Variants in TRPM8 observed in about 807,000 individuals in gnomAD.
The protein encoded by TRPM8 is transient receptor potential cation channel subfamily M member 8, also known as TRPM8 cationic channel.
In TRPM8, 110 loss-of-function variants were observed where a neutral mutation model predicts 133.7. The ratio of observed to expected loss-of-function variants is 0.82; its 90% CI spans 0.70 to 0.96. The LOEUF (loss-of-function observed/expected upper bound fraction) is 0.96. TRPM8 is among the 40% of genes least tolerant of loss of function. The probability of loss-of-function intolerance (pLI) is 0.00; values close to 1 mark genes in which losing one functional copy is unlikely to be tolerated. For missense variants in TRPM8, 1,291 were observed against 1,379.5 expected (o/e 0.94, Z 1.02); for synonymous variants, 535 against 532.3 (o/e 1.01, Z -0.07).
chr2:233,960,071 T>C (rs1180041789), intron 11 of TRPM8, among the ~76,000 whole-genome samples: 2 of 152,068 alleles, frequency 1.3e-5, no homozygotes, highest in Admixed American at 6.5e-5. Context: ...CTTAAGATTA[T>C]CCGTAAGTTC....
intron 5 of TRPM8, among the ~76,000 whole-genome samples, chr2:233,942,031 A>T (rs939230933): frequency 1.3e-5 from 2 of 150,208 alleles, no homozygotes; most frequent in African/African-American, 4.9e-5. Flanking sequence ...CCCACCTCCC[A>T]GAGAGCCTGA....
chr2:233,969,898 A>C, intron 16 of TRPM8, 91 bp downstream of exon 16: 1 of 893,496 alleles, frequency 1.1e-6, no homozygotes, highest in Non-Finnish European at 1.8e-6. Flanking sequence ...AAATGATTAA[A>C]AAGCCTGGAA....
At chr2:233,927,934 C>CTCTCTCTT (rs1691595975) in intron 2 of TRPM8, among the ~76,000 whole-genome samples, 1 of 55,404 alleles carries the variant, frequency 1.8e-5, no homozygotes, top group African/African-American at 1.9e-4. Flanking sequence ...TTCTCTCTCT[C>CTCTCTCTT]TCTCTCTCTC....
chr2:233,957,530 A>T (rs1328082067), intron 11 of TRPM8, among the ~76,000 whole-genome samples: 1 of 152,184 alleles, frequency 6.6e-6, no homozygotes, highest in Non-Finnish European at 1.5e-5. Context: ...AAAAACAAAA[A>T]AACAAAAAAA....
intron 17 of TRPM8, among the ~76,000 whole-genome samples, chr2:233,979,069 C>G (rs1691941332): frequency 6.6e-6 from 1 of 152,130 alleles, no homozygotes; most frequent in African/African-American, 2.4e-5. Context: ...CTTAGCCTCT[C>G]TAGGCTGTGA....
chr2:233,996,257 C>A, intron 21 of TRPM8, 69 bp from the exon 22 acceptor site: 1 of 1,416,522 alleles, frequency 7.1e-7, no homozygotes, highest in Non-Finnish European at 9.8e-7. Context: ...ACCACTATTA[C>A]CATACTAGGC....
intron 15 of TRPM8, among the ~76,000 whole-genome samples, chr2:233,968,514 A>G (rs1168516297): frequency 6.6e-6 from 1 of 152,142 alleles, no homozygotes; most frequent in Non-Finnish European, 1.5e-5. Flanking sequence ...ACCTTATTCC[A>G]GGACACTAGT....
chr2:233,942,402 A>G lies in TRPM8; in HGVS notation c.527-174A>G, dbSNP rs553996446. 1.4e-4 allele frequency among the ~76,000 whole-genome samples: 22 copies of G among 152,092 alleles called. No homozygotes were observed. The South Asian group carries it at 4.6e-3, about 32-fold the overall frequency. ...CAAGGATCTGTATTTTTAAGTGAAC[A>G]CCTCTCAGGAGAACTGTCTGAGGTC... On this transcript the variant is annotated intron_variant, in intron 5 of 25. Transcript: ENST00000324695.
At chr2:233,961,630 CTTTTTTTTTT>C (rs57935574) in intron 12 of TRPM8, among the ~76,000 whole-genome samples, 7,252 of 111,720 alleles carry the variant, frequency 0.065, 559 homozygotes, top group East Asian at 0.27. Flanking sequence ...CTTTTCTTTT[CTTTTTTTTTT>C]TTTTTTTGAG....
intron 22 of TRPM8, among the ~76,000 whole-genome samples, chr2:234,005,072 T>C (rs1047985494): frequency 1.3e-5 from 2 of 152,250 alleles, no homozygotes; most frequent in African/African-American, 4.8e-5. Flanking sequence ...CATTCGTTTC[T>C]GAGCACATGA....
At chr2:234,003,962 G>A (rs897006792) in intron 22 of TRPM8, among the ~76,000 whole-genome samples, 1 of 152,154 alleles carries the variant, frequency 6.6e-6, no homozygotes, top group African/African-American at 2.4e-5. Context: ...GGTTGAGAAG[G>A]CAGGACGAAA....
chr2:233,980,056 A>G lies in TRPM8; in HGVS notation c.2356-132A>G, dbSNP rs369299447. On this transcript the variant is annotated intron_variant, in intron 17 of 25. Transcript: ENST00000324695. ...GGGCACGTGGTAGGGCTCACTTGGC[A>G]TATGAAAGAATAAACAAACACGTCA... 5 of 689,778 alleles carry G rather than the reference A, an allele frequency of 7.2e-6. No individual in the cohort carries two copies. In the East Asian group the frequency reaches 8.6e-5, roughly 12 times the overall value. 42.7% of individuals were successfully genotyped at this position (689,778 alleles called of 1,614,324 possible). A position where few individuals can be genotyped will look rare whatever the true frequency, so the allele number is the denominator to read the frequency against.
intron 24 of TRPM8, chr2:234,013,651 C>T (rs2125414404): frequency 6.6e-6 from 1 of 152,054 alleles, no homozygotes; most frequent in Non-Finnish European, 1.5e-5. Flanking sequence ...AGTTTTTGCT[C>T]TACTTTAAAC....
At chr2:234,008,127 ATT>A (rs746717772) in intron 24 of TRPM8, 24 bp downstream of exon 24, 3,713 of 1,395,924 alleles carry the variant, frequency 2.7e-3, no homozygotes, top group Admixed American at 5.0e-3. Context: ...AATAGTTTGG[ATT>A]TTTTTTTTTT....
chr2:233,972,375 C>T (rs1246486307), intron 17 of TRPM8, among the ~76,000 whole-genome samples: 3 of 152,258 alleles, frequency 2.0e-5, no homozygotes, highest in African/African-American at 7.2e-5. Flanking sequence ...TCTCCACGTC[C>T]CCACCAGACT....
intron 23 of TRPM8, 63 bp downstream of exon 23, chr2:234,007,015 T>C (rs2125395470): frequency 7.9e-7 from 1 of 1,272,710 alleles, no homozygotes; most frequent in Non-Finnish European, 1.1e-6. Flanking sequence ...CCATAGAACG[T>C]AGGCAGCTTA....
chr2:233,953,838 T>C, intron 9 of TRPM8, 79 bp from the exon 10 acceptor site: 1 of 1,056,832 alleles, frequency 9.5e-7, no homozygotes, highest in South Asian at 1.6e-5. Context: ...TTTAAAAAGA[T>C]CTCTCACAAA....
At chr2:233,957,766 T>C (rs932072299) in intron 11 of TRPM8, among the ~76,000 whole-genome samples, 1 of 152,168 alleles carries the variant, frequency 6.6e-6, no homozygotes, top group Non-Finnish European at 1.5e-5. Context: ...TGATGTCACA[T>C]TGGTAGCTGA....
intron 25 of TRPM8, 51 bp from the exon 26 acceptor site, chr2:234,017,248 T>C (rs1384520737): frequency 2.1e-5 from 10 of 466,586 alleles, no homozygotes; most frequent in Admixed American, 1.2e-4. Context: ...TGCCTGAGAA[T>C]GGAAGTGGGA....
Sources: allele counts gnomAD v4.1 joint callset (sites outside exome capture counted in the v4.1 genomes callset), GRCh38; gene constraint gnomAD v4.1.1; transcripts MANE v1.5; gene names NCBI Gene and HGNC (gene_info 2026-07-23, HGNC 2026-07-21).